The following ERBB4 variants were observed in gnomAD, a reference collection of about 807,000 sequenced individuals.
The protein encoded by ERBB4 is receptor tyrosine-protein kinase erbB-4.
Under a neutral mutation model 158.0 loss-of-function variants are expected in ERBB4, and 42 were observed. That is an observed-to-expected ratio of 0.27 (90% CI 0.21 to 0.34). The LOEUF is 0.34. ERBB4 is among the 10% of genes least tolerant of loss of function. The pLI is 1.00. For missense variants in ERBB4, 1,333 were observed against 1,624.1 expected (o/e 0.82, Z 3.08); for synonymous variants, 583 against 558.7 (o/e 1.04, Z -0.61).
chr2:211,890,210 GCAGAAACCCTA>G (rs1295438828), intron 3 of ERBB4, among the ~76,000 whole-genome samples: 2 of 87,068 alleles, frequency 2.3e-5, no homozygotes, highest in Non-Finnish European at 4.6e-5. Context: ...GGATCTCTCG[GCAGAAACCCTA>G]CAAGCCAGAA....
At chr2:212,250,452 T>C (rs548211423) in intron 1 of ERBB4, among the ~76,000 whole-genome samples, 4 of 151,984 alleles carry the variant, frequency 2.6e-5, no homozygotes, top group Non-Finnish European at 5.9e-5. Context: ...TAGTTTTGGC[T>C]GCTCAGGAAC....
At position 212,036,290 on chromosome 2, in the gene ERBB4, A is replaced by G. The variant is rs553657322; in HGVS notation, c.234+88462T>C. Among the ~76,000 whole-genome samples the G allele has an allele frequency of 5.3e-5, 8 of 152,254 alleles. No individual in the cohort carries two copies. In the East Asian group the frequency reaches 1.4e-3, roughly 26 times the overall value. ...AAAAAGGATAAAACAGTTAAATGCT[A>G]GTTCAATTTCTGACTTGTTATGGGC... On this transcript the variant is annotated intron_variant, in intron 2 of 27. Coordinates refer to ENST00000342788, the MANE Select transcript of ERBB4 (RefSeq NM_005235.3).
At chr2:211,861,782 A>C (rs575372003) in intron 3 of ERBB4, among the ~76,000 whole-genome samples, 33 of 152,284 alleles carry the variant, frequency 2.2e-4, no homozygotes, top group African/African-American at 7.2e-4. Flanking sequence ...CAAACAACTC[A>C]GTGGATGAAA....
chr2:211,452,585 T>A (rs2064276521), intron 20 of ERBB4, among the ~76,000 whole-genome samples: 1 of 152,194 alleles, frequency 6.6e-6, no homozygotes, highest in African/African-American at 2.4e-5. Context: ...GAATTAAATA[T>A]TGATACACTA....
chr2:212,317,488 T>C (rs2087344430), intron 1 of ERBB4, among the ~76,000 whole-genome samples: 1 of 151,534 alleles, frequency 6.6e-6, no homozygotes, highest in South Asian at 2.1e-4. Flanking sequence ...GTACCCACAA[T>C]CAGCATTCTA....
intron 9 of ERBB4, among the ~76,000 whole-genome samples, chr2:211,708,913 G>A (rs1176188375): frequency 6.6e-6 from 1 of 151,940 alleles, no homozygotes; most frequent in Non-Finnish European, 1.5e-5. Flanking sequence ...GTCTACTCTG[G>A]ATCAAATTAT....
intron 2 of ERBB4, among the ~76,000 whole-genome samples, chr2:212,071,680 G>C (rs561723378): frequency 2.6e-5 from 4 of 151,950 alleles, no homozygotes; most frequent in Non-Finnish European, 5.9e-5. Context: ...TATCTCATTT[G>C]TCTTTTTGGT....
At chr2:212,055,165 C>T (rs1005569650) in intron 2 of ERBB4, among the ~76,000 whole-genome samples, 10 of 152,188 alleles carry the variant, frequency 6.6e-5, no homozygotes, top group African/African-American at 2.4e-4. Flanking sequence ...GCACCTGGCT[C>T]GGAGGGTCCC....
intron 3 of ERBB4, among the ~76,000 whole-genome samples, chr2:211,888,744 G>C (rs570018108): frequency 1.0e-3 from 155 of 152,142 alleles, no homozygotes; most frequent in African/African-American, 3.6e-3. Flanking sequence ...TGGGAAGCGC[G>C]AGGGGTCAGG....
chr2:212,384,298 T>A (rs955629187), intron 1 of ERBB4, among the ~76,000 whole-genome samples: 2 of 151,700 alleles, frequency 1.3e-5, no homozygotes, highest in African/African-American at 4.8e-5. Flanking sequence ...AGCAGTGACT[T>A]AAGACAAGTA....
chr2:212,181,797 T>G (rs1410908536), intron 1 of ERBB4, among the ~76,000 whole-genome samples: 1 of 151,774 alleles, frequency 6.6e-6, no homozygotes, highest in Admixed American at 6.6e-5. Flanking sequence ...CACTTAAAAT[T>G]CTTCAAGTTC....
chr2:212,117,543 C>T (rs2079607288), intron 2 of ERBB4, among the ~76,000 whole-genome samples: 1 of 152,104 alleles, frequency 6.6e-6, no homozygotes, highest in Non-Finnish European at 1.5e-5. Context: ...ACTTGTTCAC[C>T]TTTTGAGTGA....
intron 3 of ERBB4, among the ~76,000 whole-genome samples, chr2:211,861,498 C>T (rs2106079306): frequency 6.6e-6 from 1 of 151,538 alleles, no homozygotes; most frequent in South Asian, 2.1e-4. Flanking sequence ...TCACTACACC[C>T]AGCCCAAAAA....
At chr2:212,336,568 C>G (rs1336239510) in intron 1 of ERBB4, among the ~76,000 whole-genome samples, 1 of 151,988 alleles carries the variant, frequency 6.6e-6, no homozygotes, top group Admixed American at 6.6e-5. Context: ...AAGTACATTT[C>G]TTGTTTATTT....
chr2:212,278,688 A>G (rs1475368847), intron 1 of ERBB4, among the ~76,000 whole-genome samples: 1 of 151,714 alleles, frequency 6.6e-6, no homozygotes, highest in African/African-American at 2.4e-5. Context: ...CTGTATTAAA[A>G]GTAAGGCACA....
intron 20 of ERBB4, among the ~76,000 whole-genome samples, chr2:211,546,761 C>T (rs1402899003): frequency 1.3e-5 from 2 of 152,168 alleles, no homozygotes; most frequent in Non-Finnish European, 2.9e-5. Flanking sequence ...TAGAGGATAC[C>T]CTTTCAAGGA....
intron 1 of ERBB4, among the ~76,000 whole-genome samples, chr2:212,300,247 C>T (rs1471554073): frequency 2.0e-5 from 3 of 151,466 alleles, no homozygotes; most frequent in African/African-American, 7.3e-5. Flanking sequence ...CTGAACAGTC[C>T]CCTGAGAATA....
chr2:211,588,194 T>C (rs2068346247), intron 19 of ERBB4, among the ~76,000 whole-genome samples: 1 of 152,128 alleles, frequency 6.6e-6, no homozygotes, highest in African/African-American at 2.4e-5. Flanking sequence ...TTTTTAAAAA[T>C]TGGAAGAATA....
chr2:211,673,093 G>C, intron 14 of ERBB4, 71 bp downstream of exon 14: 1 of 1,173,260 alleles, frequency 8.5e-7, no homozygotes, highest in East Asian at 2.3e-5. Flanking sequence ...ATGAATAAAT[G>C]ATAAAATAAT....
Sources: allele counts gnomAD v4.1 joint callset (sites outside exome capture counted in the v4.1 genomes callset), GRCh38; gene constraint gnomAD v4.1.1; transcripts MANE v1.5; gene names NCBI Gene and HGNC (gene_info 2026-07-23, HGNC 2026-07-21).